The following TMEM178A variants were observed in gnomAD, a reference collection of about 807,000 sequenced individuals.
The protein encoded by TMEM178A is transmembrane protein 178A, also known as transmembrane protein 178.
In TMEM178A, 12 loss-of-function variants were observed where a neutral mutation model predicts 29.1. That is an observed-to-expected ratio of 0.41 (90% CI 0.26 to 0.67). TMEM178A has a LOEUF of 0.67. Among genes scored for constraint, TMEM178A ranks in the 30% least tolerant of loss-of-function variants. The probability of loss-of-function intolerance (pLI) is 0.29; values close to 1 mark genes in which losing one functional copy is unlikely to be tolerated. For synonymous variants in TMEM178A, 210 were observed against 187.2 expected, an observed-to-expected ratio of 1.12 and a Z score of -0.99; for missense variants, 366 against 419.1, an observed-to-expected ratio of 0.87 and a Z score of 1.11.
Position 39,703,993 on chromosome 2 carries a change from C to T in TMEM178A, c.401-88C>T, listed in dbSNP as rs1023964070. ...TTCTTATCCCATCTCCCATTCAACC[C>T]AGGTTAGGTTACGGTATTCTGCCTC... On this transcript the variant is annotated intron_variant, in intron 1 of 3. Transcript: ENST00000281961. The T allele has an allele frequency of 3.9e-6, 4 of 1,013,460 alleles. No individual in the cohort carries two copies. In the Admixed American group the frequency reaches 6.3e-5, roughly 16 times the overall value. The allele number at this position is 1,013,460 out of a possible 1,614,324, so 62.8% of individuals were successfully genotyped here. A position where few individuals can be genotyped will look rare whatever the true frequency, so the allele number is the denominator to read the frequency against.
chr2:39,682,090 T>C (rs552345522), intron 1 of TMEM178A, among the ~76,000 whole-genome samples: 1 of 152,362 alleles, frequency 6.6e-6, no homozygotes, highest in East Asian at 1.9e-4. Flanking sequence ...TTTACCTTTT[T>C]ATTATATTTT....
At chr2:39,672,491 G>C (rs1214941531) in intron 1 of TMEM178A, among the ~76,000 whole-genome samples, 1 of 152,046 alleles carries the variant, frequency 6.6e-6, no homozygotes, top group Non-Finnish European at 1.5e-5. Context: ...ACCCCATCAG[G>C]CAGACTGCTC....
At chr2:39,666,482 C>T in intron 1 of TMEM178A, 108 bp downstream of exon 1, 1 of 922,306 alleles carries the variant, frequency 1.1e-6, no homozygotes, top group South Asian at 5.2e-5. Context: ...CGCGGCCCCG[C>T]GCCTGGGCAT....
intron 1 of TMEM178A, among the ~76,000 whole-genome samples, chr2:39,698,982 A>G (rs534062731): frequency 4.1e-4 from 61 of 149,010 alleles, no homozygotes; most frequent in South Asian, 3.2e-3. Context: ...AAGCTTCTCT[A>G]TATTTCTCTA....
At chr2:39,697,595 A>G (rs933783508) in intron 1 of TMEM178A, among the ~76,000 whole-genome samples, 3 of 152,158 alleles carry the variant, frequency 2.0e-5, no homozygotes, top group Non-Finnish European at 2.9e-5. Context: ...TGTTACTGTC[A>G]GCCCACACCT....
chr2:39,702,458 G>A (rs1000911138), intron 1 of TMEM178A, among the ~76,000 whole-genome samples: 1 of 152,114 alleles, frequency 6.6e-6, no homozygotes, highest in Non-Finnish European at 1.5e-5. Context: ...TCAGTCTGAT[G>A]AGTACCAAAT....
chr2:39,708,899 G>A (rs1157064907), intron 3 of TMEM178A, among the ~76,000 whole-genome samples: 4 of 152,098 alleles, frequency 2.6e-5, no homozygotes, highest in Non-Finnish European at 4.4e-5. Flanking sequence ...CAGAAAACTC[G>A]TGTATTAATG....
intron 1 of TMEM178A, among the ~76,000 whole-genome samples, chr2:39,699,838 T>C (rs556347137): frequency 6.6e-6 from 1 of 152,210 alleles, no homozygotes; most frequent in Admixed American, 6.5e-5. Context: ...AATTTTGGTA[T>C]GTTGTAATTT....
intron 3 of TMEM178A, among the ~76,000 whole-genome samples, chr2:39,711,694 C>T (rs888116944): frequency 6.6e-6 from 1 of 152,078 alleles, no homozygotes; most frequent in Admixed American, 6.6e-5. Flanking sequence ...ATTGAATTAT[C>T]TAGATTATCC....
intron 1 of TMEM178A, among the ~76,000 whole-genome samples, chr2:39,698,260 C>T (rs17024154): frequency 0.027 from 4,061 of 152,180 alleles, 77 homozygotes; most frequent in Non-Finnish European, 0.034. Context: ...TGGTTACAAC[C>T]GAGTAATAGC....
At chr2:39,697,581 T>C (rs556010253) in intron 1 of TMEM178A, among the ~76,000 whole-genome samples, 3 of 152,324 alleles carry the variant, frequency 2.0e-5, no homozygotes, top group East Asian at 3.9e-4. Context: ...CCTTGAGTAC[T>C]GCTTGTTACT....
chr2:39,681,655 A>G (rs1300769430), intron 1 of TMEM178A, among the ~76,000 whole-genome samples: 1 of 152,162 alleles, frequency 6.6e-6, no homozygotes, highest in Non-Finnish European at 1.5e-5. Flanking sequence ...CAGTCACACT[A>G]GGGAAGAGTC....
intron 1 of TMEM178A, among the ~76,000 whole-genome samples, chr2:39,702,124 G>A (rs1424762167): frequency 6.6e-6 from 1 of 151,724 alleles, no homozygotes; most frequent in Non-Finnish European, 1.5e-5. Context: ...TGAAAACTGG[G>A]CATTTGAAAT....
chr2:39,730,677 G>C, the TMEM178A span, among the ~76,000 whole-genome samples: 1 of 152,166 alleles, frequency 6.6e-6, no homozygotes, highest in Middle Eastern at 3.2e-3. Flanking sequence ...CCAATGGATG[G>C]TATGGAATAT....
the TMEM178A span, among the ~76,000 whole-genome samples, chr2:39,733,136 C>T: frequency 6.6e-6 from 1 of 152,180 alleles, no homozygotes; most frequent in African/African-American, 2.4e-5. Context: ...TGGTTTGTCA[C>T]TGAGAAAGTT....
chr2:39,698,007 T>C (rs973578645), intron 1 of TMEM178A: 3 of 152,274 alleles, frequency 2.0e-5, no homozygotes, highest in Non-Finnish European at 2.9e-5. Context: ...ATGAAGCCAC[T>C]GAGTCAGCCA....
chr2:39,710,610 C>G (rs1024293241), intron 3 of TMEM178A, among the ~76,000 whole-genome samples: 1 of 152,138 alleles, frequency 6.6e-6, no homozygotes, highest in Non-Finnish European at 1.5e-5. Context: ...TTGAAATTTC[C>G]TTTGCAAACA....
At chr2:39,704,617 C>A in intron 2 of TMEM178A, among the ~76,000 whole-genome samples, 1 of 152,176 alleles carries the variant, frequency 6.6e-6, no homozygotes. Context: ...TGCTAAAATA[C>A]CTTTATGAGT....
Position 39,671,250 on chromosome 2 carries a change from C to T in TMEM178A, c.400+4876C>T, listed in dbSNP as rs1401867306. 2.0e-5 allele frequency among the ~76,000 whole-genome samples: 3 copies of T among 152,174 alleles called. No individual in the cohort carries two copies. The East Asian group carries it at 5.8e-4, about 29-fold the overall frequency. On this transcript the variant is annotated intron_variant, in intron 1 of 3. Transcript: ENST00000281961. The stretch of plus-strand genomic sequence containing the variant: ...TTCACTCTGCTCATGATTTATCTGC[C>T]TCTCCTGTTGCTTATTTCCCATGAA...
Sources: gnomAD v4.1 joint callset for allele counts (sites outside exome capture counted in the v4.1 genomes callset) on GRCh38, gnomAD v4.1.1 for gene constraint, MANE v1.5 for transcripts, NCBI Gene and HGNC (gene_info 2026-07-23, HGNC 2026-07-21) for gene names.